SORCS3: variants seen among roughly 807,000 people sequenced by gnomAD.
SORCS3 encodes VPS10 domain-containing receptor SorCS3.
In SORCS3, 57 loss-of-function variants were observed where a neutral mutation model predicts 146.3. The observed-to-expected ratio is 0.39, with a 90% CI of 0.31 to 0.49. The LOEUF is 0.49. Among genes scored for constraint, SORCS3 ranks in the 20% least tolerant of loss-of-function variants. The pLI is 0.92. For synonymous variants in SORCS3, 653 were observed against 618.5 expected, an observed-to-expected ratio of 1.06 and a Z score of -0.83; for missense variants, 1,341 against 1,575.5, an observed-to-expected ratio of 0.85 and a Z score of 2.52.
At chr10:105,083,523 C>T (rs1352060973) in intron 5 of SORCS3, among the ~76,000 whole-genome samples, 1 of 152,092 alleles carries the variant, frequency 6.6e-6, no homozygotes, top group Non-Finnish European at 1.5e-5. Context: ...TCCCTAATAC[C>T]TGTGGCAATG....
intron 2 of SORCS3, among the ~76,000 whole-genome samples, chr10:104,889,370 T>C (rs902353797): frequency 6.6e-6 from 1 of 151,884 alleles, no homozygotes; most frequent in Non-Finnish European, 1.5e-5. Flanking sequence ...ATTATTGATG[T>C]TTTAGGTTTA....
chr10:105,214,365 A>ACACACACAC (rs113804925), intron 17 of SORCS3, 77 bp from the exon 18 acceptor site: 374 of 1,433,396 alleles, frequency 2.6e-4, no homozygotes, highest in Admixed American at 5.0e-4. Context: ...TTCCCTTTAT[A>ACACACACAC]ACACACACAC....
At chr10:105,035,718 G>C (rs760691304) in intron 4 of SORCS3, among the ~76,000 whole-genome samples, 2 of 152,132 alleles carry the variant, frequency 1.3e-5, no homozygotes, top group East Asian at 1.9e-4. Flanking sequence ...CACCTGCCTC[G>C]GTCTCCCAAA....
At chr10:104,883,981 G>GGGT (rs1554856929) in intron 2 of SORCS3, among the ~76,000 whole-genome samples, 2 of 151,634 alleles carry the variant, frequency 1.3e-5, no homozygotes, top group Non-Finnish European at 2.9e-5. Context: ...GGAATGAGGG[G>GGGT]GGGGAAAGGG....
At chr10:104,698,645 A>C (rs1246120534) in intron 1 of SORCS3, among the ~76,000 whole-genome samples, 3 of 152,204 alleles carry the variant, frequency 2.0e-5, no homozygotes, top group African/African-American at 7.2e-5. Context: ...ATTCATAATT[A>C]GACCCATTAT....
chr10:105,080,332 T>A (rs2055614708), intron 5 of SORCS3, among the ~76,000 whole-genome samples: 1 of 152,276 alleles, frequency 6.6e-6, no homozygotes, highest in Non-Finnish European at 1.5e-5. Context: ...GTTTTTCATA[T>A]GCTTGCTGGC....
intron 4 of SORCS3, among the ~76,000 whole-genome samples, chr10:104,992,210 G>A (rs952572258): frequency 1.3e-5 from 2 of 152,098 alleles, no homozygotes; most frequent in East Asian, 1.9e-4. Context: ...CCCTGAGCCT[G>A]GTCAGGAAGA....
intron 4 of SORCS3, among the ~76,000 whole-genome samples, chr10:105,004,215 A>G (rs1233178678): frequency 6.6e-6 from 1 of 152,176 alleles, no homozygotes; most frequent in African/African-American, 2.4e-5. Context: ...CAGGATGGAC[A>G]GAGAAGGGAT....
intron 3 of SORCS3, among the ~76,000 whole-genome samples, chr10:104,942,096 G>A (rs559232468): frequency 3.4e-4 from 52 of 152,134 alleles, no homozygotes; most frequent in African/African-American, 1.1e-3. Context: ...TGGAGAGGTT[G>A]TGCCTAGACA....
chr10:104,983,618 C>T (rs2054944663), intron 4 of SORCS3, among the ~76,000 whole-genome samples: 1 of 152,130 alleles, frequency 6.6e-6, no homozygotes, highest in Admixed American at 6.5e-5. Context: ...TCTGCTGCCT[C>T]TATGAGCTGA....
intron 9 of SORCS3, among the ~76,000 whole-genome samples, chr10:105,150,428 G>T (rs973697066): frequency 6.6e-6 from 1 of 152,112 alleles, no homozygotes; most frequent in African/African-American, 2.4e-5. Flanking sequence ...TAAAAGAGGG[G>T]CAGGGGTATG....
chr10:105,049,696 C>G (rs1018854976), intron 5 of SORCS3, among the ~76,000 whole-genome samples: 5 of 152,016 alleles, frequency 3.3e-5, no homozygotes, highest in African/African-American at 1.2e-4. Context: ...GGCCATAATT[C>G]TAAGTGAATT....
chr10:104,727,418 G>T (rs1565421), intron 1 of SORCS3, among the ~76,000 whole-genome samples: 1 of 151,812 alleles, frequency 6.6e-6, no homozygotes. Flanking sequence ...TCCCTCCAAC[G>T]TCTTCCCTCC....
chr10:104,858,926 AGTGT>A, intron 2 of SORCS3, among the ~76,000 whole-genome samples: 1 of 116,144 alleles, frequency 8.6e-6, no homozygotes. Flanking sequence ...TGGCCTGAGA[AGTGT>A]ACATTTATAA....
intron 1 of SORCS3, among the ~76,000 whole-genome samples, chr10:104,696,706 TATATATA>T (rs546983816): frequency 0.019 from 1,465 of 77,664 alleles, 132 homozygotes; most frequent in African/African-American, 0.071. Flanking sequence ...ATTATATACG[TATATATA>T]ATATATAACA....
At chr10:104,759,850 C>A (rs2017099569) in intron 1 of SORCS3, among the ~76,000 whole-genome samples, 1 of 152,106 alleles carries the variant, frequency 6.6e-6, no homozygotes, top group South Asian at 2.1e-4. Context: ...CAGAGGAGGT[C>A]CCTGTGCTTG....
chr10:105,155,103 C>G (rs1045582397), intron 9 of SORCS3, among the ~76,000 whole-genome samples: 3 of 152,176 alleles, frequency 2.0e-5, no homozygotes, highest in Non-Finnish European at 4.4e-5. Flanking sequence ...TTTTTAGTCC[C>G]CATTCCCCTG....
chr10:104,894,996 C>T (rs2018784956), intron 2 of SORCS3, among the ~76,000 whole-genome samples: 1 of 152,054 alleles, frequency 6.6e-6, no homozygotes, highest in South Asian at 2.1e-4. Context: ...AGAGGAGCAG[C>T]CATATGCATA....
intron 3 of SORCS3, among the ~76,000 whole-genome samples, chr10:104,917,718 A>G (rs1374866768): frequency 6.6e-6 from 1 of 152,196 alleles, no homozygotes. Context: ...TAGATTCCAC[A>G]TATGCGTGAG....
Sources: allele counts gnomAD v4.1 joint callset (sites outside exome capture counted in the v4.1 genomes callset), GRCh38; gene constraint gnomAD v4.1.1; transcripts MANE v1.5; gene names NCBI Gene and HGNC (gene_info 2026-07-23, HGNC 2026-07-21).